ANXA3: variants seen among roughly 807,000 people sequenced by gnomAD.
ANXA3 encodes 35-alpha calcimedin.
A neutral mutation model predicts 48.8 loss-of-function variants in ANXA3; 46 were observed. That is an observed-to-expected ratio of 0.94 (90% CI 0.74 to 1.21). The LOEUF (loss-of-function observed/expected upper bound fraction) is 1.21, where lower values mean the gene tolerates loss of function less well. Among genes scored for constraint, ANXA3 ranks in the 50% most tolerant of loss-of-function variants. The pLI is 0.00. For synonymous variants in ANXA3, 128 were observed against 134.7 expected (o/e 0.95, Z 0.35); for missense variants, 383 against 378.6 (o/e 1.01, Z -0.10).
At chr4:78,569,385 A>C (rs1722793997) in intron 2 of ANXA3, among the ~76,000 whole-genome samples, 1 of 152,192 alleles carries the variant, frequency 6.6e-6, no homozygotes, top group African/African-American at 2.4e-5. Flanking sequence ...TAGTAATATA[A>C]ATGTCAAGGA....
rs570548582 is a variant in ANXA3 at position 78,567,036 on chromosome 4, C to T, written c.16-6144C>T. Among the ~76,000 whole-genome samples the T allele has an allele frequency of 6.7e-4, 102 of 152,254 alleles. 2 individuals carry two copies. Among genetic ancestry groups the T allele is most frequent in the African/African-American group, 2.4e-3 (98 of 41,532 alleles). On this transcript the variant is annotated intron_variant, in intron 2 of 12. Coordinates refer to ENST00000264908, the MANE Select transcript of ANXA3 (RefSeq NM_005139.3). Reference sequence around the variant, plus strand: ...CTGCCCTGTGGGCTGCAGAGCATGCCTGCGGTGGTGGTGGGAGGCTTCTGT... The same window carrying T: ...CTGCCCTGTGGGCTGCAGAGCATGCTTGCGGTGGTGGTGGGAGGCTTCTGT...
chr4:78,591,964 T>A (rs1294673901), intron 7 of ANXA3, among the ~76,000 whole-genome samples: 1 of 152,230 alleles, frequency 6.6e-6, no homozygotes, highest in Non-Finnish European at 1.5e-5. Context: ...AAAGAACAGG[T>A]TTATTTTCTT....
chr4:78,591,072 A>G (rs895121859), intron 6 of ANXA3, among the ~76,000 whole-genome samples: 1 of 152,194 alleles, frequency 6.6e-6, no homozygotes, highest in African/African-American at 2.4e-5. Flanking sequence ...CTTTAAGGAG[A>G]TTTGTCTGCC....
At chr4:78,557,988 G>A (rs1722551094) in intron 2 of ANXA3, among the ~76,000 whole-genome samples, 1 of 152,144 alleles carries the variant, frequency 6.6e-6, no homozygotes, top group Admixed American at 6.5e-5. Context: ...ATTGACAGAA[G>A]AATGAATAAA....
At chr4:78,582,427 T>C (rs562352576) in intron 5 of ANXA3, 137 bp downstream of exon 5, 36 of 584,640 alleles carry the variant, frequency 6.2e-5, no homozygotes, top group Non-Finnish European at 1.1e-4. Flanking sequence ...GTAGAATGAC[T>C]CTGAAATAGG....
At chr4:78,564,881 A>G (rs907246105) in intron 2 of ANXA3, among the ~76,000 whole-genome samples, 1 of 152,176 alleles carries the variant, frequency 6.6e-6, no homozygotes, top group African/African-American at 2.4e-5. Context: ...GTGGCTCCAG[A>G]TAAGAGTCAT....
chr4:78,573,089 T>G, intron 2 of ANXA3, 91 bp from the exon 3 acceptor site: 1 of 970,124 alleles, frequency 1.0e-6, no homozygotes, highest in Non-Finnish European at 1.7e-6. Context: ...GGGTTTGTCA[T>G]ATGCCTCTCA....
intron 2 of ANXA3, among the ~76,000 whole-genome samples, chr4:78,565,710 T>C (rs920411562): frequency 2.6e-5 from 4 of 152,222 alleles, no homozygotes; most frequent in Admixed American, 6.5e-5. Flanking sequence ...GACCCTCTTT[T>C]TTCTCCTCTA....
At chr4:78,572,155 T>A (rs1722851705) in intron 2 of ANXA3, among the ~76,000 whole-genome samples, 1 of 152,252 alleles carries the variant, frequency 6.6e-6, no homozygotes, top group Admixed American at 6.5e-5. Context: ...CTCCTGCAAA[T>A]GCTACTTTAA....
rs765214654 is a variant in ANXA3, at chr4:78,582,212, C to T, written c.234C>T (p.Gly78=). ...ATGACTTGAAGGGTGATCTCTCTGG[C>T]CACTTTGAGCATCTCATGGTGGCCC... The part of the protein sequence containing the change: ...LKDDLKGDLS[G]HFEHLMVALV... The change falls in exon 5 of 13, where the codon GGC becomes GGT. Residue 78 remains glycine (G), a synonymous_variant. Transcript: ENST00000264908. The T allele has an allele frequency of 3.1e-6, 5 of 1,613,382 alleles. No individual in the cohort carries two copies. The highest frequency in any genetic ancestry group is 1.7e-4 in the Middle Eastern group (1 of 6,058).
chr4:78,561,099 A>T (rs1402592974), intron 2 of ANXA3, among the ~76,000 whole-genome samples: 1 of 152,202 alleles, frequency 6.6e-6, no homozygotes, highest in Non-Finnish European at 1.5e-5. Flanking sequence ...GAATCATTCA[A>T]AACATGGGAT....
At chr4:78,568,407 C>T (rs754937257) in intron 2 of ANXA3, among the ~76,000 whole-genome samples, 7 of 152,188 alleles carry the variant, frequency 4.6e-5, no homozygotes, top group Non-Finnish European at 1.0e-4. Flanking sequence ...TTCTCCCCGG[C>T]TCTTTGAGAG....
chr4:78,573,720 G>A (rs1722889392), intron 3 of ANXA3, among the ~76,000 whole-genome samples: 2 of 152,198 alleles, frequency 1.3e-5, no homozygotes, highest in Admixed American at 1.3e-4. Flanking sequence ...TTAACCAAGG[G>A]GTGGAATAGT....
Position 78,582,170 on chromosome 4 carries a change from A to T in ANXA3, c.199-7A>T. ...TCACATTTTTCCCCTTGGTTTTTTG[A>T]TTTTAGGAGCTGAAAGATGACTTGA... On this transcript the variant is annotated splice_region_variant and splice_polypyrimidine_tract_variant and intron_variant, in intron 4 of 12. Transcript: ENST00000264908. 1.9e-6 allele frequency: 3 copies of T among 1,589,996 alleles called. No homozygotes were observed. The highest frequency in any genetic ancestry group is 2.6e-6 in the Non-Finnish European group (3 of 1,164,670).
At chr4:78,577,615 A>G (rs1560444602) in intron 3 of ANXA3, among the ~76,000 whole-genome samples, 1 of 152,244 alleles carries the variant, frequency 6.6e-6, no homozygotes, top group Non-Finnish European at 1.5e-5. Flanking sequence ...TGGGAGGCCC[A>G]GCAGCTAACC....
Position 78,557,710 on chromosome 4 carries a change from C to T in ANXA3, c.15+3222C>T, listed in dbSNP as rs1367136256. Among the ~76,000 whole-genome samples the T allele has an allele frequency of 1.5e-3, 201 of 134,690 alleles. 1 individual carries two copies. Among genetic ancestry groups the T allele is most frequent in the Non-Finnish European group, 2.5e-3 (159 of 63,134 alleles). 88.4% of individuals were successfully genotyped at this position (134,690 alleles called of 152,430 possible). A position where few individuals can be genotyped will look rare whatever the true frequency, so the allele number is the denominator to read the frequency against. ...TTTTCTTTTTTTTTTTTTTTTTTTCCTGTTTACCTCCTCTCCCTCAATTAA... is the reference window on the plus strand; with the variant it reads ...TTTTCTTTTTTTTTTTTTTTTTTTCTTGTTTACCTCCTCTCCCTCAATTAA... On this transcript the variant is annotated intron_variant, in intron 2 of 12. Coordinates refer to ENST00000264908, the MANE Select transcript of ANXA3 (RefSeq NM_005139.3).
At chr4:78,558,609 G>T (rs1288459100) in intron 2 of ANXA3, among the ~76,000 whole-genome samples, 3 of 152,190 alleles carry the variant, frequency 2.0e-5, no homozygotes, top group Non-Finnish European at 4.4e-5. Context: ...AAGAATGGCT[G>T]GTTTCTTAGG....
intron 4 of ANXA3, among the ~76,000 whole-genome samples, chr4:78,581,479 G>C (rs975937547): frequency 1.3e-5 from 2 of 152,160 alleles, no homozygotes; most frequent in South Asian, 4.1e-4. Flanking sequence ...CAAATAGCTA[G>C]AAGGAGGATA....
At chr4:78,592,806 G>T (rs1723326632) in intron 7 of ANXA3, among the ~76,000 whole-genome samples, 1 of 152,198 alleles carries the variant, frequency 6.6e-6, no homozygotes, top group Admixed American at 6.5e-5. Context: ...CAGGGTGGTA[G>T]TGGTTAGTAT....
Sources: allele counts gnomAD v4.1 joint callset (sites outside exome capture counted in the v4.1 genomes callset), GRCh38; gene constraint gnomAD v4.1.1; transcripts MANE v1.5; gene names NCBI Gene and HGNC (gene_info 2026-07-23, HGNC 2026-07-21).